MTCL1: variants seen among roughly 807,000 people sequenced by gnomAD.
MTCL1 encodes microtubule crosslinking factor 1.
In MTCL1, 79 loss-of-function variants were observed where a neutral mutation model predicts 141.4. The ratio of observed to expected loss-of-function variants is 0.56; its 90% CI spans 0.47 to 0.67. MTCL1 has a LOEUF of 0.67. MTCL1 is among the 30% of genes least tolerant of loss of function. The probability of loss-of-function intolerance (pLI) is 0.00; values close to 1 mark genes in which losing one functional copy is unlikely to be tolerated. For missense variants in MTCL1, 2,177 were observed against 2,113.9 expected (o/e 1.03, Z -0.59); for synonymous variants, 914 against 875.8 (o/e 1.04, Z -0.77).
At chr18:8,818,101 C>G (rs1457415879) in intron 12 of MTCL1, among the ~76,000 whole-genome samples, 2 of 152,250 alleles carry the variant, frequency 1.3e-5, no homozygotes, top group Non-Finnish European at 2.9e-5. Context: ...GCATAATGCC[C>G]TTATGTGGGC....
chr18:8,819,622 A>C (rs1393658508), intron 13 of MTCL1, among the ~76,000 whole-genome samples: 1 of 152,012 alleles, frequency 6.6e-6, no homozygotes, highest in Non-Finnish European at 1.5e-5. Flanking sequence ...ATTTTTTTGG[A>C]GATGGAGGTC....
At chr18:8,802,848 C>G (rs965152346) in intron 10 of MTCL1, among the ~76,000 whole-genome samples, 3 of 152,174 alleles carry the variant, frequency 2.0e-5, no homozygotes, top group African/African-American at 7.2e-5. Flanking sequence ...CTGACCTACA[C>G]TCACCAGATG....
chr18:8,765,295 A>G (rs565775444), intron 4 of MTCL1, among the ~76,000 whole-genome samples: 4 of 152,358 alleles, frequency 2.6e-5, no homozygotes, highest in East Asian at 3.9e-4. Context: ...AGCTGGGGCA[A>G]CTATGCCAGA....
intron 12 of MTCL1, among the ~76,000 whole-genome samples, chr18:8,817,471 A>G (rs1172374379): frequency 6.6e-6 from 1 of 152,124 alleles, no homozygotes; most frequent in African/African-American, 2.4e-5. Flanking sequence ...CTCAAAGGTA[A>G]AGATAAATCT....
intron 4 of MTCL1, among the ~76,000 whole-genome samples, chr18:8,758,112 C>T (rs1004202642): frequency 6.6e-6 from 1 of 151,568 alleles, no homozygotes; most frequent in Non-Finnish European, 1.5e-5. Flanking sequence ...GCAACCTCCA[C>T]CTCCCGGGTT....
intron 11 of MTCL1, among the ~76,000 whole-genome samples, chr18:8,807,454 A>G (rs1298606317): frequency 6.6e-6 from 1 of 152,256 alleles, no homozygotes; most frequent in Non-Finnish European, 1.5e-5. Flanking sequence ...GCATGCTTTC[A>G]TTGAGATTTT....
Position 8,706,729 on chromosome 18 carries a change from G to GC in MTCL1, c.1053+18dup. On this transcript the variant is annotated intron_variant, in intron 1 of 13. Transcript: ENST00000306329. ...CTATCTCAAGGTGAGCCGCGCCTCG[G>GC]CCGCAGGTGTCCCGGGGCGCCCCCG... 2.6e-6 allele frequency: 4 copies of GC among 1,544,010 alleles called. No homozygotes were observed. Among genetic ancestry groups the GC allele is most frequent in the Non-Finnish European group, 3.5e-6 (4 of 1,145,820 alleles).
At chr18:8,758,676 G>A (rs1399268305) in intron 4 of MTCL1, among the ~76,000 whole-genome samples, 2 of 152,160 alleles carry the variant, frequency 1.3e-5, no homozygotes. Flanking sequence ...CCTGAGAAAG[G>A]TTTGTACTTA....
In MTCL1 at chr18:8,718,695, G is replaced by A. The variant is rs377584821; in HGVS notation, c.198+47G>A. 622 of 1,574,744 alleles carry A rather than the reference G, an allele frequency of 3.9e-4. 1 individual carries two copies. Among genetic ancestry groups the A allele is most frequent in the Middle Eastern group, 4.6e-4 (2 of 4,372 alleles). ...GCACCTCGCAAGGCTGCTGTGGACC[G>A]GCTGGCCACATGCACGTTGCCCTGG... On this transcript the variant is annotated intron_variant, in intron 3 of 16. Transcript: ENST00000359865.
intron 4 of MTCL1, among the ~76,000 whole-genome samples, chr18:8,726,190 G>A (rs1304823200): frequency 6.6e-6 from 1 of 150,878 alleles, no homozygotes; most frequent in East Asian, 1.9e-4. Context: ...CTAATGTATT[G>A]CTTTTTGCTG....
At chr18:8,754,308 C>T (rs1598498216) in intron 4 of MTCL1, among the ~76,000 whole-genome samples, 2 of 152,272 alleles carry the variant, frequency 1.3e-5, no homozygotes, top group East Asian at 1.9e-4. Context: ...TGGCCTCAAG[C>T]GATCTGCCCA....
At chr18:8,718,734 C>A in intron 3 of MTCL1, 86 bp downstream of exon 2, 1 of 1,202,464 alleles carries the variant, frequency 8.3e-7, no homozygotes, top group Non-Finnish European at 1.2e-6. Context: ...TTTTTCCCTG[C>A]TTGTGTCTGT....
At chr18:8,829,112 CA>C in intron 16 of MTCL1, 6 of 1,386,422 alleles carry the variant, frequency 4.3e-6, no homozygotes, top group Non-Finnish European at 5.8e-6. Context: ...CGCCTAAACC[CA>C]GGAACAGATT....
At position 8,810,588 on chromosome 18, in the gene MTCL1, G is replaced by T. The variant is rs1398676800; in HGVS notation, c.2605-2391G>T. Reference sequence around the variant, plus strand: ...TGTTGGTTGCTGGAAGCATCTACAGGTGAACAGACGTACGTGCGAGGGGCT... The same window carrying T: ...TGTTGGTTGCTGGAAGCATCTACAGTTGAACAGACGTACGTGCGAGGGGCT... On this transcript the variant is annotated intron_variant, in intron 11 of 16. Coordinates refer to ENST00000359865, the Ensembl canonical transcript of MTCL1. The surrounding 1 kb of genome is among the most constrained non-coding windows in gnomAD (Gnocchi z 5.0). Among the ~76,000 whole-genome samples the T allele has an allele frequency of 1.3e-5, 2 of 152,156 alleles. No individual in the cohort carries two copies. Among genetic ancestry groups the T allele is most frequent in the Non-Finnish European group, 2.9e-5 (2 of 68,024 alleles).
At chr18:8,809,620 ACCTG>A in intron 11 of MTCL1, 2 of 1,529,842 alleles carry the variant, frequency 1.3e-6, no homozygotes, top group Non-Finnish European at 8.8e-7. Flanking sequence ...GAGGGCACAC[ACCTG>A]AAAAAAACGG....
intron 4 of MTCL1, among the ~76,000 whole-genome samples, chr18:8,727,537 A>G (rs2096223870): frequency 6.6e-6 from 1 of 152,088 alleles, no homozygotes; most frequent in Non-Finnish European, 1.5e-5. Flanking sequence ...CATTTCTCTG[A>G]TGATTAGTGA....
intron 7 of MTCL1, chr18:8,789,426 A>AGCCTT (rs1249804549): frequency 2.0e-6 from 2 of 985,354 alleles, no homozygotes; most frequent in Non-Finnish European, 2.4e-6. Context: ...GGCCATGAAA[A>AGCCTT]GCCTTCCTTT....
chr18:8,786,110 T>TCCCCCCCCCCCCAC lies in MTCL1; in HGVS notation c.1887+30_1887+31insCACCCCCCCCCCCC. Reference sequence around the variant, plus strand: ...CCTGGAGGTCAGCGTGGGCAAGCAATCCCCCCCCCCCGCCCTCCCCCTCCT... The same window carrying TCCCCCCCCCCCCAC: ...CCTGGAGGTCAGCGTGGGCAAGCAATCCCCCCCCCCCCACCCCCCCCCCCCGCCCTCCCCCTCCT... On this transcript the variant is annotated intron_variant, in intron 7 of 16. Coordinates refer to ENST00000359865, the Ensembl canonical transcript of MTCL1. 14 of 1,310,348 alleles carry TCCCCCCCCCCCCAC rather than the reference T, an allele frequency of 1.1e-5. No individual in the cohort carries two copies. The highest frequency in any genetic ancestry group is 5.1e-5 in the Admixed American group (2 of 39,438). The allele number at this position is 1,310,348 out of a possible 1,614,324, so 81.2% of individuals were successfully genotyped here.
At chr18:8,786,112 C>CCCCCCA in intron 7 of MTCL1, 21 bp downstream of exon 6, 1 of 1,362,934 alleles carries the variant, frequency 7.3e-7, no homozygotes, top group African/African-American at 2.7e-5. Context: ...GCAAGCAATC[C>CCCCCCA]CCCCCCCCCG....
Sources: allele counts gnomAD v4.1 joint callset (sites outside exome capture counted in the v4.1 genomes callset), GRCh38; gene constraint gnomAD v4.1.1; non-coding constraint Gnocchi (gnomAD v3.1); transcripts MANE v1.5; gene names NCBI Gene and HGNC (gene_info 2026-07-23, HGNC 2026-07-21).